The following ODF2L variants were observed in gnomAD, a reference collection of about 807,000 sequenced individuals.
ODF2L encodes outer dense fiber of sperm tails 2 like.
A neutral mutation model predicts 86.3 loss-of-function variants in ODF2L; 76 were observed. The observed-to-expected ratio is 0.88, with a 90% confidence interval of 0.73 to 1.07. The LOEUF is 1.07. Among genes scored for constraint, ODF2L ranks in the 50% least tolerant of loss-of-function variants. The pLI, the probability that ODF2L is intolerant of heterozygous loss-of-function variation, is 0.00. For synonymous variants in ODF2L, 241 were observed against 231.3 expected (o/e 1.04, Z -0.38); for missense variants, 748 against 717.4 (o/e 1.04, Z -0.49).
chr1:86,352,819 T>A, intron 17 of ODF2L, 40 bp downstream of exon 16: 1 of 1,257,924 alleles, frequency 7.9e-7, no homozygotes, highest in South Asian at 1.4e-5. Flanking sequence ...GAATGTTAAA[T>A]GTTATCTTTT....
chr1:86,377,755 C>T (rs1558044372), intron 7 of ODF2L, among the ~76,000 whole-genome samples: 1 of 152,308 alleles, frequency 6.6e-6, no homozygotes, highest in East Asian at 1.9e-4. Context: ...GCACCAAGTC[C>T]CAAGACTGTA....
Position 86,394,840 on chromosome 1 carries a change from C to CTTTTTTTTT in ODF2L, c.-60+1184_-60+1192dup, listed in dbSNP as rs33996151. Among the ~76,000 whole-genome samples the CTTTTTTTTT allele has an allele frequency of 2.3e-5, 3 of 129,316 alleles. 1 individual carries two copies. The highest frequency in any genetic ancestry group is 4.8e-5 in the Non-Finnish European group (3 of 63,152). 84.8% of individuals were successfully genotyped at this position (129,316 alleles called of 152,430 possible). Reference sequence around the variant, plus strand: ...GTTTTCTGCAGTTTGTTTCTTTTTCCTTTTTTTTTTTTTTTTTTGAGACAG... The same window carrying CTTTTTTTTT: ...GTTTTCTGCAGTTTGTTTCTTTTTCCTTTTTTTTTTTTTTTTTTTTTTTTTTTGAGACAG... On this transcript the variant is annotated intron_variant, in intron 1 of 17. Transcript: ENST00000317336.
exon 6 of ODF2L, chr1:86,382,987 CCTT>C: frequency 1.3e-6 from 2 of 1,544,406 alleles, no homozygotes; most frequent in Non-Finnish European, 8.9e-7. Context: ...TTTTCAAATA[CCTT>C]CTTCTTAAGA....
chr1:86,375,441 A>G (rs1660100691), intron 8 of ODF2L, among the ~76,000 whole-genome samples: 1 of 152,188 alleles, frequency 6.6e-6, no homozygotes, highest in African/African-American at 2.4e-5. Flanking sequence ...TGTTTGCCAT[A>G]AACTTTTTAT....
chr1:86,394,399 G>A (rs559429331), intron 1 of ODF2L, among the ~76,000 whole-genome samples: 4 of 132,946 alleles, frequency 3.0e-5, no homozygotes, highest in South Asian at 2.3e-4. Flanking sequence ...GCGGCAGAGC[G>A]AGACTCCATC....
intron 6 of ODF2L, 135 bp downstream of exon 6, chr1:86,382,796 T>C: frequency 4.8e-6 from 3 of 626,920 alleles, no homozygotes; most frequent in Non-Finnish European, 8.6e-6. Context: ...GTAAAACCTG[T>C]AAAATATCCA....
chr1:86,358,726 G>C, intron 13 of ODF2L, 61 bp downstream of exon 12: 1 of 649,748 alleles, frequency 1.5e-6, no homozygotes, highest in Non-Finnish European at 2.5e-6. Flanking sequence ...GAATGAATTT[G>C]TGTACTATTC....
At chr1:86,370,679 A>G (rs1659733017) in intron 10 of ODF2L, among the ~76,000 whole-genome samples, 1 of 152,174 alleles carries the variant, frequency 6.6e-6, no homozygotes, top group Non-Finnish European at 1.5e-5. Context: ...TGAAGCAGCC[A>G]AGAACATACT....
At chr1:86,394,331 AC>A (rs1222378488) in intron 1 of ODF2L, among the ~76,000 whole-genome samples, 2 of 151,054 alleles carry the variant, frequency 1.3e-5, no homozygotes, top group Non-Finnish European at 2.9e-5. Context: ...CAGGAGAATC[AC>A]TTGAACCCGG....
intron 10 of ODF2L, among the ~76,000 whole-genome samples, chr1:86,369,279 G>T (rs1245112993): frequency 6.6e-6 from 1 of 151,968 alleles, no homozygotes; most frequent in African/African-American, 2.4e-5. Context: ...AAAAAAAAAT[G>T]GTATTAAGGT....
chr1:86,375,051 T>C (rs1276026794), intron 8 of ODF2L: 1 of 152,104 alleles, frequency 6.6e-6, no homozygotes, highest in Non-Finnish European at 1.5e-5. Flanking sequence ...TTTCAGATTA[T>C]AGTGAATGCT....
intron 10 of ODF2L, among the ~76,000 whole-genome samples, chr1:86,369,340 A>G (rs1659645324): frequency 6.6e-6 from 1 of 152,234 alleles, no homozygotes; most frequent in South Asian, 2.1e-4. Context: ...AGTAGCCGAA[A>G]TAAGTGCATT....
At chr1:86,376,097 CA>C (rs1440267176) in intron 8 of ODF2L, 135 bp downstream of exon 8, 5 of 460,680 alleles carry the variant, frequency 1.1e-5, no homozygotes, top group Non-Finnish European at 1.9e-5. Context: ...AAGATTAAAG[CA>C]AAAAGTGTAA....
At chr1:86,395,828 G>C (rs2101643826) in intron 1 of ODF2L, 1 of 152,432 alleles carries the variant, frequency 6.6e-6, no homozygotes, top group South Asian at 2.1e-4. Context: ...CTAAGAGTGA[G>C]TCTCGCCGCC....
chr1:86,353,253 A>G (rs1023095633), intron 16 of ODF2L, among the ~76,000 whole-genome samples: 20 of 152,224 alleles, frequency 1.3e-4, no homozygotes, highest in Non-Finnish European at 1.5e-5. Flanking sequence ...TTTCTCCAAC[A>G]GTATATTTTA....
intron 1 of ODF2L, among the ~76,000 whole-genome samples, chr1:86,394,186 C>T (rs1328201802): frequency 6.6e-6 from 1 of 152,038 alleles, no homozygotes; most frequent in African/African-American, 2.4e-5. Flanking sequence ...TCCAAGATTA[C>T]AAGTAAGGAA....
chr1:86,370,745 T>G (rs1217588154), intron 10 of ODF2L, among the ~76,000 whole-genome samples: 1 of 152,168 alleles, frequency 6.6e-6, no homozygotes, highest in African/African-American at 2.4e-5. Context: ...CCATGACATC[T>G]AGAAATAATC....
At chr1:86,357,649 G>C in intron 13 of ODF2L, 1 of 392,158 alleles carries the variant, frequency 2.5e-6, no homozygotes, top group Non-Finnish European at 3.4e-6. Flanking sequence ...AGGACACTGA[G>C]GGATCCAGAA....
Position 86,383,004 on chromosome 1 carries a change from T to C in ODF2L, c.436-2A>G, listed in dbSNP as rs1177902207. The C allele has an allele frequency of 1.3e-6, 2 of 1,483,970 alleles. No homozygotes were observed. Among genetic ancestry groups the C allele is most frequent in the Non-Finnish European group, 1.9e-6 (2 of 1,063,860 alleles). 91.9% of individuals were successfully genotyped at this position (1,483,970 alleles called of 1,614,324 possible). Reference sequence around the variant, plus strand: ...TTCAAATACCTTCTTCTTAAGATTCTTGAGCAAATATAAAATAAGAATTAG... The same window carrying C: ...TTCAAATACCTTCTTCTTAAGATTCCTGAGCAAATATAAAATAAGAATTAG... On this transcript the variant is annotated splice_acceptor_variant, in intron 5 of 17. Transcript: ENST00000317336. LOFTEE classifies it high-confidence loss of function.
Sources: allele counts gnomAD v4.1 joint callset (sites outside exome capture counted in the v4.1 genomes callset), GRCh38; gene constraint gnomAD v4.1.1; transcripts MANE v1.5; gene names NCBI Gene and HGNC (gene_info 2026-07-23, HGNC 2026-07-21).